The following COL18A1 variants were observed in gnomAD, a reference collection of about 807,000 sequenced individuals.
COL18A1 encodes collagen alpha-1(XVIII) chain.
COL18A1 carries 133 observed loss-of-function variants against 168.0 expected under a neutral mutation model. The ratio of observed to expected loss-of-function variants is 0.79; its 90% CI spans 0.69 to 0.91. COL18A1 has a LOEUF of 0.91. Ranked by LOEUF, COL18A1 falls within the 40% of genes least tolerant of loss-of-function variation. The pLI, the probability that COL18A1 is intolerant of heterozygous loss-of-function variation, is 0.00. For synonymous variants in COL18A1, 949 were observed against 809.0 expected (o/e 1.17, Z -2.94); for missense variants, 2,126 against 1,925.4 (o/e 1.10, Z -1.95).
chr21:45,484,053 T>TAC (rs760727971), intron 15 of COL18A1, among the ~76,000 whole-genome samples: 1 of 88,728 alleles, frequency 1.1e-5, no homozygotes, highest in Non-Finnish European at 2.0e-5. Flanking sequence ...CCAGCATATG[T>TAC]ACACACACAC....
Position 45,505,310 on chromosome 21 carries a change from G to A in COL18A1, c.3013+32G>A, listed in dbSNP as rs375708096. 1.4e-4 allele frequency: 220 copies of A among 1,603,618 alleles called. 1 individual carries two copies. The highest frequency in any genetic ancestry group is 1.9e-4 in the South Asian group (17 of 90,752). On this transcript the variant is annotated intron_variant, in intron 35 of 41. Transcript: ENST00000651438. ...CAGTGGGGAGTGGGCCCCGGGCAGA[G>A]GCCGCCTCGTGTGGCTTCGTGTTCC...
chr21:45,491,109 C>T lies in COL18A1; in HGVS notation c.2068-116C>T, dbSNP rs373181457. On this transcript the variant is annotated intron_variant, in intron 21 of 41. Transcript: ENST00000651438. Reference sequence around the variant, plus strand: ...GCTCCAAGGCCACAGTCCACAGCCCCGGGCGCCTCCTCACCCACCGTGGGC... The same window carrying T: ...GCTCCAAGGCCACAGTCCACAGCCCTGGGCGCCTCCTCACCCACCGTGGGC... The T allele has an allele frequency of 2.2e-3, 2,157 of 962,450 alleles. 61 individuals carry two copies. The South Asian group carries it at 0.028, about 12-fold the overall frequency. The allele number at this position is 962,450 out of a possible 1,614,324, so 59.6% of individuals were successfully genotyped here.
intron 4 of COL18A1, among the ~76,000 whole-genome samples, chr21:45,475,259 C>T (rs1231059902): frequency 6.6e-6 from 1 of 152,194 alleles, no homozygotes; most frequent in Non-Finnish European, 1.5e-5. Flanking sequence ...GTCCTCGACC[C>T]GATTGGACAC....
chr21:45,439,146 G>C (rs974777503), intron 2 of COL18A1, among the ~76,000 whole-genome samples: 1 of 152,256 alleles, frequency 6.6e-6, no homozygotes, highest in Admixed American at 6.5e-5. Flanking sequence ...TTTAATTCGA[G>C]AAAACCTATC....
chr21:45,506,149 A>G (rs1467435190), intron 37 of COL18A1, 183 bp downstream of exon 37: 3 of 875,850 alleles, frequency 3.4e-6, no homozygotes, highest in South Asian at 1.5e-5. Flanking sequence ...TTTTGGGTTT[A>G]AAGAAAAGTG....
intron 40 of COL18A1, among the ~76,000 whole-genome samples, chr21:45,510,714 C>T (rs1281893185): frequency 6.6e-6 from 1 of 152,170 alleles, no homozygotes; most frequent in Non-Finnish European, 1.5e-5. Flanking sequence ...GCTGTGGCTT[C>T]TGGGTGCCCC....
At chr21:45,405,893 C>T (rs1408072828) in intron 2 of COL18A1, among the ~76,000 whole-genome samples, 3 of 151,778 alleles carry the variant, frequency 2.0e-5, no homozygotes, top group African/African-American at 7.3e-5. Flanking sequence ...GGCGTCGTCT[C>T]CGCGTTTCCA....
chr21:45,494,186 C>A, intron 26 of COL18A1: 2 of 466,300 alleles, frequency 4.3e-6, no homozygotes, highest in Non-Finnish European at 7.9e-6. Flanking sequence ...CTCCACTATC[C>A]CACCCAGCTG....
At chr21:45,495,229 A>G in intron 28 of COL18A1, 129 bp from the exon 29 acceptor site, 2 of 784,354 alleles carry the variant, frequency 2.5e-6, no homozygotes, top group Non-Finnish European at 4.4e-6. Context: ...GTAGCCTGAG[A>G]GCTGGGAACG....
chr21:45,410,501 G>A (rs1291543640), intron 2 of COL18A1, among the ~76,000 whole-genome samples: 2 of 152,378 alleles, frequency 1.3e-5, no homozygotes, highest in East Asian at 3.9e-4. Context: ...GGGAACGGCA[G>A]GAGGAGGGAG....
intron 2 of COL18A1, among the ~76,000 whole-genome samples, chr21:45,410,664 CTG>C (rs1480860327): frequency 6.6e-6 from 1 of 152,252 alleles, no homozygotes; most frequent in East Asian, 1.9e-4. Flanking sequence ...TCTCTGGAAT[CTG>C]TGCTTAGAGA....
chr21:45,490,372 T>A (rs1469254426), intron 20 of COL18A1, 26 bp downstream of exon 20: 1 of 1,537,326 alleles, frequency 6.5e-7, no homozygotes, highest in South Asian at 1.2e-5. Flanking sequence ...GGGCCCAGGG[T>A]GCAGGGGGGG....
intron 38 of COL18A1, 150 bp from the exon 39 acceptor site, chr21:45,509,206 C>A: frequency 3.7e-6 from 4 of 1,078,826 alleles, no homozygotes; most frequent in Non-Finnish European, 1.3e-6. Context: ...GCTGCCTACA[C>A]CCCCAGGGCA....
intron 2 of COL18A1, among the ~76,000 whole-genome samples, chr21:45,406,548 G>A (rs1421703392): frequency 6.6e-6 from 1 of 152,188 alleles, no homozygotes; most frequent in African/African-American, 2.4e-5. Context: ...ACTCTAGGGG[G>A]TGAAACACGG....
At chr21:45,481,843 TG>T (rs1361222801) in intron 13 of COL18A1, 119 bp from the exon 14 acceptor site, 2 of 762,484 alleles carry the variant, frequency 2.6e-6, no homozygotes, top group Non-Finnish European at 4.7e-6. Flanking sequence ...GCCCTGTGTC[TG>T]GGGAACGTTC....
At chr21:45,481,940 C>T (rs1280645271) in intron 13 of COL18A1, 23 bp from the exon 14 acceptor site, 21 of 1,578,444 alleles carry the variant, frequency 1.3e-5, no homozygotes, top group Non-Finnish European at 1.7e-5. Flanking sequence ...CATCAAGACC[C>T]ACTATGCTCT....
chr21:45,432,804 A>AT (rs2033998542), intron 2 of COL18A1, among the ~76,000 whole-genome samples: 1 of 152,224 alleles, frequency 6.6e-6, no homozygotes, highest in African/African-American at 2.4e-5. Context: ...GTCCTACAGC[A>AT]AAAGCCTGCT....
At chr21:45,440,477 CGGGGCCTGCTGGGGTTTG>C (rs1569290576) in intron 2 of COL18A1, among the ~76,000 whole-genome samples, 12 of 151,418 alleles carry the variant, frequency 7.9e-5, no homozygotes, top group Non-Finnish European at 8.8e-5. Flanking sequence ...CGCAAGCAGT[CGGGGCCTGCTGGGGTTTG>C]AGCCACGTTC....
At chr21:45,472,462 C>G (rs576272330) in intron 3 of COL18A1, among the ~76,000 whole-genome samples, 2 of 152,298 alleles carry the variant, frequency 1.3e-5, no homozygotes, top group African/African-American at 4.8e-5. Context: ...CCACCCGCCT[C>G]GGCCTTCCAA....
Sources: gnomAD v4.1 joint callset for allele counts (sites outside exome capture counted in the v4.1 genomes callset) on GRCh38, gnomAD v4.1.1 for gene constraint, MANE v1.5 for transcripts, NCBI Gene and HGNC (gene_info 2026-07-23, HGNC 2026-07-21) for gene names.